The following FAM120C variants were observed in gnomAD, a reference collection of about 807,000 sequenced individuals.
FAM120C encodes family with sequence similarity 120 member C.
FAM120C carries 14 observed loss-of-function variants against 71.2 expected under a neutral mutation model. That is an observed-to-expected ratio of 0.20 (90% confidence interval 0.13 to 0.31). FAM120C has a LOEUF of 0.31. Ranked by LOEUF, FAM120C falls within the 10% of genes least tolerant of loss-of-function variation. The pLI is 1.00. For synonymous variants in FAM120C, 354 were observed against 353.2 expected, an observed-to-expected ratio of 1.00 and a Z score of -0.03; for missense variants, 500 against 879.0, an observed-to-expected ratio of 0.57 and a Z score of 5.45.
At chrX:54,118,691 CTTTTTTTCTTTTTT>C (rs2066987536) in intron 9 of FAM120C, among the ~76,000 whole-genome samples, 1 of 34,638 alleles carries the variant, frequency 2.9e-5, no homozygotes, top group Non-Finnish European at 5.7e-5. Context: ...TTGTATTTTT[CTTTTTTTCTTTTTT>C]TTTTTTTTTT....
chrX:54,143,842 G>A (rs2146620514), intron 4 of FAM120C, among the ~76,000 whole-genome samples: 1 of 111,602 alleles, frequency 9.0e-6, no homozygotes, highest in African/African-American at 3.3e-5. Flanking sequence ...TGATACCAAA[G>A]CCTGGCAGAG....
At chrX:54,161,664 C>T (rs2067236177) in intron 1 of FAM120C, among the ~76,000 whole-genome samples, 1 of 112,555 alleles carries the variant, frequency 8.9e-6, no homozygotes, top group African/African-American at 3.2e-5. Context: ...CAGAGTCTTA[C>T]TCTGTCACCC....
chrX:54,164,964 G>A (rs2067252873), intron 1 of FAM120C, among the ~76,000 whole-genome samples: 1 of 111,321 alleles, frequency 9.0e-6, no homozygotes, highest in Non-Finnish European at 1.9e-5. Flanking sequence ...TAATGAGTGT[G>A]AGGTAATATC....
chrX:54,177,074 T>G (rs1377168739), intron 1 of FAM120C, among the ~76,000 whole-genome samples: 4 of 111,266 alleles, frequency 3.6e-5, no homozygotes, highest in African/African-American at 1.3e-4. Flanking sequence ...GGACACGGTA[T>G]GTCTAGGAAA....
Position 54,183,244 on chromosome X carries a change from G to A in FAM120C, c.-46C>T, listed in dbSNP as rs1237961960. ...CGATAGCGGCTGCGCAAGCAGGATAGGCGACGATCTGGGCGCGAAGCTGGG... is the reference window on the plus strand; with the variant it reads ...CGATAGCGGCTGCGCAAGCAGGATAAGCGACGATCTGGGCGCGAAGCTGGG... On this transcript the variant is annotated 5_prime_UTR_variant, in exon 1 of 16. Transcript: ENST00000375180. The A allele has an allele frequency of 5.0e-5, 49 of 975,897 alleles. No homozygotes were observed. The highest frequency in any genetic ancestry group is 6.0e-5 in the Non-Finnish European group (46 of 765,927). The allele number at this position is 975,897 out of a possible 1,213,427, so 80.4% of individuals were successfully genotyped here.
intron 10 of FAM120C, among the ~76,000 whole-genome samples, chrX:54,111,386 C>A (rs1415621095): frequency 9.0e-6 from 1 of 110,688 alleles, no homozygotes; most frequent in Non-Finnish European, 1.9e-5. Context: ...TCTAGAAAAA[C>A]CCTAAAGAAT....
At chrX:54,105,754 T>C (rs182839150) in intron 10 of FAM120C, among the ~76,000 whole-genome samples, 3 of 111,704 alleles carry the variant, frequency 2.7e-5, no homozygotes, top group Non-Finnish European at 5.6e-5. Context: ...CAAGCATTCC[T>C]ATACACCAAT....
In FAM120C at chrX:54,175,508, T is replaced by TA. The variant is rs782248829; in HGVS notation, c.699+6991dup. Reference sequence around the variant, plus strand: ...CCTACTAGGTGCACAAGATATTTTATACTTTTTTTTTTTAATATATACAGG... The same window carrying TA: ...CCTACTAGGTGCACAAGATATTTTATAACTTTTTTTTTTTAATATATACAGG... On this transcript the variant is annotated intron_variant, in intron 1 of 15. Coordinates refer to ENST00000375180, the MANE Select transcript of FAM120C (RefSeq NM_017848.6). Among the ~76,000 whole-genome samples, 230 of 109,189 alleles carry TA rather than the reference T, an allele frequency of 2.1e-3. 1 individual carries two copies. The highest frequency in any genetic ancestry group is 7.4e-3 in the African/African-American group (219 of 29,749). 94.8% of individuals were successfully genotyped at this position (109,189 alleles called of 115,157 possible).
intron 1 of FAM120C, among the ~76,000 whole-genome samples, chrX:54,181,413 T>C (rs1433738262): frequency 9.0e-6 from 1 of 111,391 alleles, no homozygotes; most frequent in Non-Finnish European, 1.9e-5. Flanking sequence ...TGCTATTCTC[T>C]ACACGTAGGA....
At chrX:54,174,811 A>G (rs1206864444) in intron 1 of FAM120C, among the ~76,000 whole-genome samples, 1 of 112,164 alleles carries the variant, frequency 8.9e-6, no homozygotes, top group Non-Finnish European at 1.9e-5. Context: ...TGGGCCACAT[A>G]AGGCCTACGG....
chrX:54,174,581 C>T (rs782087367), intron 1 of FAM120C, among the ~76,000 whole-genome samples: 15 of 112,008 alleles, frequency 1.3e-4, no homozygotes, highest in African/African-American at 4.9e-4. Context: ...GCAACAAATT[C>T]GAACTTGTTA....
At chrX:54,162,355 C>T (rs1557134536) in intron 1 of FAM120C, among the ~76,000 whole-genome samples, 3 of 111,836 alleles carry the variant, frequency 2.7e-5, no homozygotes. Context: ...GTTCTGAATA[C>T]TTTCCATAGG....
chrX:54,170,608 T>C (rs1410531678), intron 1 of FAM120C, among the ~76,000 whole-genome samples: 1 of 112,255 alleles, frequency 8.9e-6, no homozygotes, highest in African/African-American at 3.2e-5. Context: ...TATCAGTATA[T>C]ACAGCAGGAG....
At chrX:54,099,083 T>C (rs2066869528) in intron 10 of FAM120C, among the ~76,000 whole-genome samples, 1 of 102,920 alleles carries the variant, frequency 9.7e-6, no homozygotes, top group African/African-American at 3.6e-5. Context: ...GGCATGATCA[T>C]GGCTCACAAC....
intron 4 of FAM120C, among the ~76,000 whole-genome samples, chrX:54,137,481 TAATC>T (rs201268026): frequency 0.015 from 1,703 of 112,081 alleles, 28 homozygotes; most frequent in African/African-American, 0.054. Flanking sequence ...TTTATAATAA[TAATC>T]TAAGTAATTT....
intron 1 of FAM120C, among the ~76,000 whole-genome samples, chrX:54,180,246 C>T (rs952610497): frequency 2.7e-5 from 3 of 112,161 alleles, no homozygotes; most frequent in African/African-American, 9.7e-5. Context: ...ACTGGCTATT[C>T]GGGTCTCCAC....
chrX:54,081,336 A>C lies in FAM120C; in HGVS notation c.2964T>G (p.Gly988=). 8.3e-7 allele frequency: 1 copy of C among 1,209,098 alleles called. No homozygotes were observed. Among genetic ancestry groups the C allele is most frequent in the East Asian group, 3.0e-5 (1 of 33,759 alleles). ...TGGGTACATACCCCTTTCCTGGCCC[A>C]CCGACAGAAACCACTTGCATGCCGA... The part of the protein sequence containing the change: ...GSFGMQVVSV[G]GPGKGHGKEQ... Residue 988 remains glycine, a synonymous_variant, in exon 14 of 16, where the codon GGT becomes GGG. Transcript: ENST00000375180.
In FAM120C at chrX:54,135,103, A is replaced by T; in HGVS notation, c.1344T>A (p.His448Gln). The T allele has an allele frequency of 1.7e-6, 2 of 1,189,505 alleles. No homozygotes were observed. The highest frequency in any genetic ancestry group is 2.3e-6 in the Non-Finnish European group (2 of 883,735). ...TISAGKPMFS[H>Q]QVPQKVKYPP... Reference sequence around the variant, plus strand: ...GATATTTCACTTTCTGGGGCACTTGATGAGAAAACTAAACGATAAAACAGA... The same window carrying T: ...GATATTTCACTTTCTGGGGCACTTGTTGAGAAAACTAAACGATAAAACAGA... The change falls in exon 7 of 16, where the codon CAT becomes CAA. Residue 448 changes from histidine to glutamine, a missense_variant. His to Gln is a conservative substitution (Grantham distance 24). Coordinates refer to ENST00000375180, the MANE Select transcript of FAM120C (RefSeq NM_017848.6).
intron 12 of FAM120C, among the ~76,000 whole-genome samples, chrX:54,086,417 T>TA (rs1355012903): frequency 8.9e-6 from 1 of 111,927 alleles, no homozygotes; most frequent in Non-Finnish European, 1.9e-5. Flanking sequence ...TTGTAGGCCA[T>TA]ATTGTCTCTG....
Sources: allele counts gnomAD v4.1 joint callset (sites outside exome capture counted in the v4.1 genomes callset), GRCh38; gene constraint gnomAD v4.1.1; transcripts MANE v1.5; gene names NCBI Gene and HGNC (gene_info 2026-07-23, HGNC 2026-07-21).